SYNE3: variants seen among roughly 807,000 people sequenced by gnomAD.
The protein encoded by SYNE3 is spectrin repeat containing nuclear envelope family member 3.
A neutral mutation model predicts 111.2 loss-of-function variants in SYNE3; 100 were observed. That is an observed-to-expected ratio of 0.90 (90% CI 0.77 to 1.06). The LOEUF (loss-of-function observed/expected upper bound fraction) is 1.06, where lower values mean the gene tolerates loss of function less well. SYNE3 is among the 50% of genes least tolerant of loss of function. The pLI, the probability that SYNE3 is intolerant of heterozygous loss-of-function variation, is 0.00. For missense variants in SYNE3, 1,160 were observed against 1,240.3 expected, an observed-to-expected ratio of 0.94 and a Z score of 0.97; for synonymous variants, 547 against 533.9, an observed-to-expected ratio of 1.02 and a Z score of -0.34.
intron 8 of SYNE3, 113 bp downstream of exon 8, chr14:95,449,818 C>G: frequency 6.9e-7 from 1 of 1,458,324 alleles, no homozygotes; most frequent in South Asian, 1.4e-5. Context: ...AGTGAGCTCT[C>G]CCCAGATATC....
At position 95,483,479 on chromosome 14, in the gene SYNE3, C is replaced by T. The variant is rs545512179; in HGVS notation, c.-14-7644G>A. Among the ~76,000 whole-genome samples, 142 of 152,244 alleles carry T rather than the reference C, an allele frequency of 9.3e-4. 1 individual carries two copies. Among genetic ancestry groups the T allele is most frequent in the African/African-American group, 3.2e-3 (131 of 41,536 alleles). ...GGATGTTATTTCAGGAACTGAGTTA[C>T]AGCTGGTCTTAATCCCAAAGCTTTT... is the stretch of plus-strand genomic sequence containing the variant. On this transcript the variant is annotated intron_variant, in intron 1 of 17. Transcript: ENST00000682763.
chr14:95,449,701 G>A (rs890688157), intron 8 of SYNE3: 2 of 982,928 alleles, frequency 2.0e-6, no homozygotes, highest in East Asian at 1.1e-4. Context: ...GGTGGGGAGC[G>A]TCCGTACGGA....
At chr14:95,420,578 C>G (rs1177001449) in intron 17 of SYNE3, among the ~76,000 whole-genome samples, 4 of 152,160 alleles carry the variant, frequency 2.6e-5, no homozygotes, top group Non-Finnish European at 5.9e-5. Flanking sequence ...AAGGGATGGT[C>G]TTCTCAAAGG....
Position 95,413,156 on chromosome 14 carries a change from ATCCCTCCC to A in SYNE3, c.*4662_*4669del, listed in dbSNP as rs1312343920. 6.9e-6 allele frequency: 1 copy of A among 145,254 alleles called. No homozygotes were observed. The allele number at this position is 145,254 out of a possible 1,614,324, so 9.0% of individuals were successfully genotyped here. On this transcript the variant is annotated 3_prime_UTR_variant, in exon 18 of 18. Coordinates refer to ENST00000682763, the MANE Select transcript of SYNE3 (RefSeq NM_152592.6). ...TCCCATTCTCTTTTTCTCTCTCTCT[ATCCCTCCC>A]TCCCTCCCTCCCTTCCTCCTTTTCT...
intron 17 of SYNE3, among the ~76,000 whole-genome samples, chr14:95,428,129 C>T (rs1419172561): frequency 6.6e-6 from 1 of 152,170 alleles, no homozygotes; most frequent in African/African-American, 2.4e-5. Context: ...ATAAACCCAC[C>T]TCACAGAAAG....
chr14:95,468,361 A>G (rs1888323878), intron 2 of SYNE3, among the ~76,000 whole-genome samples: 1 of 152,196 alleles, frequency 6.6e-6, no homozygotes, highest in African/African-American at 2.4e-5. Flanking sequence ...TGTGAGGTAC[A>G]TGTTTCAGTG....
intron 4 of SYNE3, among the ~76,000 whole-genome samples, chr14:95,460,993 C>T (rs767508780): frequency 2.6e-5 from 4 of 152,108 alleles, no homozygotes; most frequent in East Asian, 1.9e-4. Flanking sequence ...GAGAGGACCT[C>T]GGCAGGAGGG....
intron 1 of SYNE3, among the ~76,000 whole-genome samples, chr14:95,512,684 C>G (rs1890764459): frequency 6.8e-6 from 1 of 147,084 alleles, no homozygotes; most frequent in South Asian, 2.1e-4. Flanking sequence ...AACCCCGTCT[C>G]TACTAAAAAA....
intron 5 of SYNE3, chr14:95,456,073 C>T (rs752114088): frequency 1.9e-5 from 7 of 378,030 alleles, no homozygotes; most frequent in Non-Finnish European, 2.8e-5. Flanking sequence ...CAAATGGCTC[C>T]GTTCGGTTTC....
intron 2 of SYNE3, among the ~76,000 whole-genome samples, chr14:95,473,219 C>T (rs1038597292): frequency 6.6e-6 from 1 of 152,150 alleles, no homozygotes; most frequent in African/African-American, 2.4e-5. Context: ...GGACTCCCAC[C>T]CCCTCGGGGC....
chr14:95,410,465 G>A lies in SYNE3; in HGVS notation c.*7361C>T, dbSNP rs796541957. 19 of 152,292 alleles carry A rather than the reference G, an allele frequency of 1.2e-4. No individual in the cohort carries two copies. The highest frequency in any genetic ancestry group is 4.1e-4 in the African/African-American group (17 of 41,544). 9.4% of individuals were successfully genotyped at this position (152,292 alleles called of 1,614,324 possible). ...CAGTCCTGGCCAATGAGATGAGAAC[G>A]GAAGTGGCTGGTGGAGCTTCTGGGA... On this transcript the variant is annotated 3_prime_UTR_variant, in exon 18 of 18. Transcript: ENST00000682763.
chr14:95,447,465 G>A (rs1188353049), intron 8 of SYNE3, among the ~76,000 whole-genome samples: 2 of 152,154 alleles, frequency 1.3e-5, no homozygotes, highest in African/African-American at 4.8e-5. Flanking sequence ...AAGCAAAGCT[G>A]GAGCTAGTGC....
chr14:95,456,769 C>A (rs1887467347), intron 5 of SYNE3, among the ~76,000 whole-genome samples: 1 of 152,104 alleles, frequency 6.6e-6, no homozygotes. Context: ...TCTGTGGCAC[C>A]AAGCACTGTC....
intron 17 of SYNE3, among the ~76,000 whole-genome samples, chr14:95,423,892 G>C (rs566159044): frequency 1.7e-5 from 1 of 58,192 alleles, no homozygotes; most frequent in African/African-American, 6.3e-5. Flanking sequence ...TTTTGATGGG[G>C]ATGGGGATTT....
chr14:95,438,982 C>T (rs1270942673), intron 14 of SYNE3, 51 bp downstream of exon 14: 1 of 1,608,700 alleles, frequency 6.2e-7, no homozygotes, highest in Middle Eastern at 2.1e-4. Flanking sequence ...CTACCCACCT[C>T]TTGACCTGGG....
intron 1 of SYNE3, among the ~76,000 whole-genome samples, chr14:95,513,737 T>TCATATATATATATATA (rs1480614847): frequency 1.1e-5 from 1 of 92,506 alleles, no homozygotes; most frequent in Non-Finnish European, 2.1e-5. Flanking sequence ...GCTGCTTAGA[T>TCATATATATATATATA]TATATATATA....
intron 1 of SYNE3, among the ~76,000 whole-genome samples, chr14:95,487,051 C>T (rs902224960): frequency 6.6e-6 from 1 of 152,192 alleles, no homozygotes; most frequent in Admixed American, 6.5e-5. Context: ...GTTAGTTCTG[C>T]CTGGAGAGTC....
chr14:95,512,290 C>T (rs1029409420), intron 1 of SYNE3, among the ~76,000 whole-genome samples: 1 of 152,142 alleles, frequency 6.6e-6, no homozygotes, highest in African/African-American at 2.4e-5. Flanking sequence ...TCTGAAAATG[C>T]TCCACATGAT....
At chr14:95,472,079 G>A (rs1299236658) in intron 2 of SYNE3, among the ~76,000 whole-genome samples, 1 of 152,244 alleles carries the variant, frequency 6.6e-6, no homozygotes, top group African/African-American at 2.4e-5. Flanking sequence ...AGGGAGGGAT[G>A]GGAGAAATCC....
Sources: allele counts gnomAD v4.1 joint callset (sites outside exome capture counted in the v4.1 genomes callset), GRCh38; gene constraint gnomAD v4.1.1; transcripts MANE v1.5; gene names NCBI Gene and HGNC (gene_info 2026-07-23, HGNC 2026-07-21).